Variants in NPAS1 observed in about 807,000 individuals in gnomAD.
NPAS1 encodes neuronal PAS domain protein 1, also known as neuronal PAS domain-containing protein 1.
A neutral mutation model predicts 49.2 loss-of-function variants in NPAS1; 29 were observed. The observed-to-expected ratio is 0.59, with a 90% CI of 0.44 to 0.80. The LOEUF (loss-of-function observed/expected upper bound fraction) is 0.80. Among genes scored for constraint, NPAS1 ranks in the 30% least tolerant of loss-of-function variants. The pLI is 0.00. For synonymous variants in NPAS1, 408 were observed against 380.4 expected, an observed-to-expected ratio of 1.07 and a Z score of -0.84; for missense variants, 825 against 835.5, an observed-to-expected ratio of 0.99 and a Z score of 0.15.
chr19:47,026,510 G>A (rs1245880725), intron 3 of NPAS1, among the ~76,000 whole-genome samples: 1 of 152,192 alleles, frequency 6.6e-6, no homozygotes, highest in African/African-American at 2.4e-5. Context: ...GACTGGGCTG[G>A]GGCCATGGGT....
intron 8 of NPAS1, 93 bp downstream of exon 8, chr19:47,039,657 A>C: frequency 7.3e-7 from 1 of 1,361,776 alleles, no homozygotes; most frequent in Non-Finnish European, 1.0e-6. Flanking sequence ...GGTCTGCAGG[A>C]TAGGGCACTG....
At chr19:47,025,720 C>A (rs974509138) in intron 3 of NPAS1, among the ~76,000 whole-genome samples, 1 of 151,848 alleles carries the variant, frequency 6.6e-6, no homozygotes, top group Non-Finnish European at 1.5e-5. Flanking sequence ...GGACTACAGG[C>A]ACACGCCACC....
chr19:47,021,146 G>A lies in NPAS1; in HGVS notation c.99G>A (p.Met33Ile), dbSNP rs766573914. The change falls in exon 2 of 12, where the codon ATG becomes ATA. Residue 33 changes from methionine (M) to isoleucine (I), a missense_variant. Coordinates refer to ENST00000602212, the MANE Select transcript of NPAS1 (RefSeq NM_002517.4). The surrounding 1 kb of genome is among the most constrained non-coding windows in gnomAD (Gnocchi z 5.7). Reference protein sequence around the residue: ...SVPWDFLPGLMVKAPSGPCLQ... With the variant: ...SVPWDFLPGLIVKAPSGPCLQ... ...CCTGGGACTTTCTACCCGGGCTGAT[G>A]GTCAAGGCGCCGTCCGGACCGTGGT... The A allele has an allele frequency of 2.5e-6, 4 of 1,597,032 alleles. No homozygotes were observed. Among genetic ancestry groups the A allele is most frequent in the Non-Finnish European group, 3.4e-6 (4 of 1,173,028 alleles).
chr19:47,036,701 ATC>A (rs67488907), intron 6 of NPAS1, among the ~76,000 whole-genome samples: 24,918 of 145,626 alleles, frequency 0.17, 2,163 homozygotes, highest in East Asian at 0.27. Context: ...GTGAAACCCC[ATC>A]TCTACTAAAA....
At position 47,021,570 on chromosome 19, in the gene NPAS1, C is replaced by T. The variant is rs910924910; in HGVS notation, c.123-42C>T. On this transcript the variant is annotated intron_variant, in intron 2 of 11. Coordinates refer to ENST00000602212, the MANE Select transcript of NPAS1 (RefSeq NM_002517.4). This position sits in a 1 kb window ranked among gnomAD's most constrained non-coding sequence, Gnocchi z 5.7. ...CGCCCCCAGTTCCCAAGCCCCTGAG[C>T]CCCGGGGCCCCGCCGACACCTCCTC... is the stretch of plus-strand genomic sequence containing the variant. 7 of 1,356,264 alleles carry T rather than the reference C, an allele frequency of 5.2e-6. No individual in the cohort carries two copies. The highest frequency in any genetic ancestry group is 6.8e-6 in the Non-Finnish European group (7 of 1,031,846). The allele number at this position is 1,356,264 out of a possible 1,614,324, so 84.0% of individuals were successfully genotyped here.
intron 4 of NPAS1, 93 bp downstream of exon 4, chr19:47,032,444 G>C (rs552462801): frequency 2.0e-5 from 27 of 1,374,308 alleles, no homozygotes; most frequent in South Asian, 8.3e-5. Flanking sequence ...CATCTATTGT[G>C]GGGGGTACCT....
intron 3 of NPAS1, among the ~76,000 whole-genome samples, chr19:47,026,920 T>C (rs1267963626): frequency 6.6e-6 from 1 of 150,852 alleles, no homozygotes; most frequent in African/African-American, 2.4e-5. Context: ...GCCACTGCAC[T>C]CTAGCCTGGG....
At chr19:47,042,928 C>G in intron 11 of NPAS1, 24 bp downstream of exon 11, 1 of 1,524,142 alleles carries the variant, frequency 6.6e-7, no homozygotes, top group South Asian at 1.3e-5. Flanking sequence ...CCCACCTTGG[C>G]CCCTGGGAAG....
At chr19:47,026,559 G>C (rs1362765255) in intron 3 of NPAS1, among the ~76,000 whole-genome samples, 4 of 152,192 alleles carry the variant, frequency 2.6e-5, no homozygotes, top group African/African-American at 9.7e-5. Context: ...CAACCCCTGG[G>C]ACTTGCTTAA....
At chr19:47,034,910 G>C (rs1277484041) in intron 5 of NPAS1, among the ~76,000 whole-genome samples, 1 of 151,194 alleles carries the variant, frequency 6.6e-6, no homozygotes, top group South Asian at 2.1e-4. Flanking sequence ...GTCCAGGCGC[G>C]GTGGCTCATG....
In NPAS1 at chr19:47,021,491, T is replaced by C. The variant is rs2056840786; in HGVS notation, c.123-121T>C. 1 of 648,962 alleles carries C rather than the reference T, an allele frequency of 1.5e-6. No homozygotes were observed. The highest frequency in any genetic ancestry group is 1.9e-5 in the African/African-American group (1 of 51,298). 40.2% of individuals were successfully genotyped at this position (648,962 alleles called of 1,614,324 possible). A position where few individuals can be genotyped will look rare whatever the true frequency, so the allele number is the denominator to read the frequency against. ...CGGTCTGCTCCCACCTCCAGAGATG[T>C]GGAATCCACTCCCAACGTCCCGTCC... On this transcript the variant is annotated intron_variant, in intron 2 of 11. Coordinates refer to ENST00000602212, the MANE Select transcript of NPAS1 (RefSeq NM_002517.4). The surrounding 1 kb of genome is among the most constrained non-coding windows in gnomAD (Gnocchi z 5.7).
At chr19:47,038,342 C>T (rs2056981924) in intron 6 of NPAS1, among the ~76,000 whole-genome samples, 2 of 151,334 alleles carry the variant, frequency 1.3e-5, no homozygotes, top group Non-Finnish European at 1.5e-5. Context: ...CATGGCGATA[C>T]CCCGTCTCTA....
Position 47,039,534 on chromosome 19 carries a change from T to C in NPAS1, c.932T>C (p.Leu311Pro). 6.3e-7 allele frequency: 1 copy of C among 1,597,582 alleles called. No individual in the cohort carries two copies. Among genetic ancestry groups the C allele is most frequent in the Non-Finnish European group, 8.5e-7 (1 of 1,169,872 alleles). Reference sequence around the variant, plus strand: ...CACATGATCGTCTTCCGTCTCAGCCTGGGTCTCACCATCCTTGCTTGTGAG... The same window carrying C: ...CACATGATCGTCTTCCGTCTCAGCCCGGGTCTCACCATCCTTGCTTGTGAG... Reference protein sequence around the residue: ...HGHMIVFRLSLGLTILACESR... With the variant: ...HGHMIVFRLSPGLTILACESR... The change falls in exon 8 of 12, where the codon CTG becomes CCG. Residue 311 changes from leucine (L) to proline (P), a missense_variant. Physicochemically the swap from Leu to Pro is moderately conservative, Grantham distance 98. Transcript: ENST00000602212.
intron 3 of NPAS1, among the ~76,000 whole-genome samples, chr19:47,023,069 G>A (rs1462495916): frequency 3.3e-5 from 5 of 152,214 alleles, no homozygotes; most frequent in African/African-American, 1.2e-4. Context: ...GGGGAAGAGG[G>A]GGGAGAGAAA....
chr19:47,042,927 G>A (rs1404074219), intron 11 of NPAS1, 23 bp downstream of exon 11: 2 of 1,528,994 alleles, frequency 1.3e-6, no homozygotes, highest in African/African-American at 1.4e-5. Flanking sequence ...TCCCACCTTG[G>A]CCCCTGGGAA....
In NPAS1 at chr19:47,042,814, G is replaced by T; in HGVS notation, c.1222G>T (p.Ala408Ser). 1.2e-6 allele frequency: 2 copies of T among 1,603,466 alleles called. No homozygotes were observed. ...CCGCATCCATCTTCTCCCCAGCCAAGCCGAGGGTGGCCAAACTCCTTTGGA... is the reference window on the plus strand; with the variant it reads ...CCGCATCCATCTTCTCCCCAGCCAATCCGAGGGTGGCCAAACTCCTTTGGA... ...VLWVSHVLSQ[A>S]EGGQTPLDAF... The change falls in exon 11 of 12, where the codon GCC (alanine) becomes TCC (serine). Residue 408 changes from alanine to serine, a missense_variant. Transcript: ENST00000602212.
Position 47,035,937 on chromosome 19 carries a change from C to T in NPAS1, c.523-27C>T. 2.7e-6 allele frequency: 4 copies of T among 1,494,616 alleles called. No individual in the cohort carries two copies. The South Asian group carries it at 4.2e-5, about 16-fold the overall frequency. 92.6% of individuals were successfully genotyped at this position (1,494,616 alleles called of 1,614,324 possible). A position where few individuals can be genotyped will look rare whatever the true frequency, so the allele number is the denominator to read the frequency against. On this transcript the variant is annotated intron_variant, in intron 5 of 11. Coordinates refer to ENST00000602212, the MANE Select transcript of NPAS1 (RefSeq NM_002517.4). ...TTACTGCGCGCGCACCTCACCCGCC[C>T]CCTGCATTCCCCTCCTTCGCCGGCA...
chr19:47,026,429 C>T (rs1241344807), intron 3 of NPAS1, among the ~76,000 whole-genome samples: 2 of 152,122 alleles, frequency 1.3e-5, no homozygotes, highest in East Asian at 3.9e-4. Context: ...AGAGGGGAGC[C>T]ACAGAGGTGG....
intron 5 of NPAS1, 56 bp from the exon 6 acceptor site, chr19:47,035,908 C>A (rs1599908864): frequency 3.4e-6 from 5 of 1,452,968 alleles, no homozygotes; most frequent in East Asian, 5.1e-5. Context: ...AGAGGGCGAG[C>A]GAGTTACTGC....
Sources: gnomAD v4.1 joint callset for allele counts (sites outside exome capture counted in the v4.1 genomes callset) on GRCh38, gnomAD v4.1.1 for gene constraint, Gnocchi (gnomAD v3.1) non-coding constraint, MANE v1.5 for transcripts, NCBI Gene and HGNC (gene_info 2026-07-23, HGNC 2026-07-21) for gene names.